The following ILRUN variants were observed in gnomAD, a reference collection of about 807,000 sequenced individuals.
ILRUN encodes protein ILRUN.
ILRUN carries 3 observed loss-of-function variants against 33.8 expected under a neutral mutation model. The observed-to-expected ratio is 0.09, with a 90% CI of 0.04 to 0.23. The LOEUF is 0.23. ILRUN is among the 10% of genes least tolerant of loss of function. The pLI, the probability that ILRUN is intolerant of heterozygous loss-of-function variation, is 1.00. For missense variants in ILRUN, 210 were observed against 375.1 expected, an observed-to-expected ratio of 0.56 and a Z score of 3.64; for synonymous variants, 124 against 138.9, an observed-to-expected ratio of 0.89 and a Z score of 0.75.
rs796157321 is a variant in ILRUN, at chr6:34,667,042, GA to G, written c.159-12264del. ...ATCATAAAGCCACTCGAATATACAT[GA>G]AAAAAAACTATCCAATCTGGTTTAC... On this transcript the variant is annotated intron_variant, in intron 1 of 4. Transcript: ENST00000374023. Among the ~76,000 whole-genome samples, 6 of 151,250 alleles carry G rather than the reference GA, an allele frequency of 4.0e-5. No individual in the cohort carries two copies. The South Asian group carries it at 1.0e-3, about 26-fold the overall frequency.
At chr6:34,681,807 A>C (rs1763362283) in intron 1 of ILRUN, among the ~76,000 whole-genome samples, 1 of 146,772 alleles carries the variant, frequency 6.8e-6, no homozygotes, top group Non-Finnish European at 1.5e-5. Context: ...ATCAGAAGGG[A>C]TTTTACTATA....
At chr6:34,643,955 G>A (rs1274591622) in intron 3 of ILRUN, among the ~76,000 whole-genome samples, 2 of 152,174 alleles carry the variant, frequency 1.3e-5, no homozygotes, top group East Asian at 3.8e-4. Flanking sequence ...GCCCACCTCG[G>A]CCTCCCAGAG....
chr6:34,622,146 T>C (rs1762025183), intron 3 of ILRUN, among the ~76,000 whole-genome samples: 1 of 152,046 alleles, frequency 6.6e-6, no homozygotes, highest in Non-Finnish European at 1.5e-5. Context: ...ATAAAACTCC[T>C]AGAAAAAAGC....
At chr6:34,635,426 G>T (rs1762340759) in intron 3 of ILRUN, among the ~76,000 whole-genome samples, 1 of 151,978 alleles carries the variant, frequency 6.6e-6, no homozygotes, top group African/African-American at 2.4e-5. Flanking sequence ...TACTTGAGAG[G>T]TTGAGGTGGG....
At chr6:34,666,964 G>C (rs970152037) in intron 1 of ILRUN, among the ~76,000 whole-genome samples, 1 of 151,978 alleles carries the variant, frequency 6.6e-6, no homozygotes, top group Admixed American at 6.6e-5. Flanking sequence ...TTCTTTACAT[G>C]ACACTGCGTA....
chr6:34,641,175 A>T (rs1381891125), intron 3 of ILRUN, among the ~76,000 whole-genome samples: 2 of 152,076 alleles, frequency 1.3e-5, no homozygotes, highest in Non-Finnish European at 2.9e-5. Context: ...CAGAAAGATG[A>T]GGTCCAGAGA....
intron 1 of ILRUN, among the ~76,000 whole-genome samples, chr6:34,665,791 CTT>C (rs747826972): frequency 7.2e-5 from 11 of 152,222 alleles, no homozygotes; most frequent in African/African-American, 1.7e-4. Flanking sequence ...ATTCCATCCT[CTT>C]GTTTCTGCAT....
At chr6:34,615,194 T>C (rs1761857855) in intron 3 of ILRUN, among the ~76,000 whole-genome samples, 1 of 152,202 alleles carries the variant, frequency 6.6e-6, no homozygotes, top group Non-Finnish European at 1.5e-5. Context: ...ACTGGGTATA[T>C]AAGAACTCTA....
At chr6:34,611,244 C>A (rs1761747045) in intron 3 of ILRUN, among the ~76,000 whole-genome samples, 1 of 151,876 alleles carries the variant, frequency 6.6e-6, no homozygotes, top group African/African-American at 2.4e-5. Context: ...ACTGCACTGG[C>A]CAAAAATGTC....
Position 34,691,593 on chromosome 6 carries a change from G to A in ILRUN, c.158+4853C>T, listed in dbSNP as rs1453225284. On this transcript the variant is annotated intron_variant, in intron 1 of 4. Coordinates refer to ENST00000374023, the MANE Select transcript of ILRUN (RefSeq NM_024294.4). ...GTGGATCATTTGAGGTCAGGGGTTC[G>A]AGACCAGCCTGGACAAACATGGTAA... 2.6e-5 allele frequency among the ~76,000 whole-genome samples: 4 copies of A among 152,218 alleles called. No homozygotes were observed. In the East Asian group the frequency reaches 5.8e-4, roughly 22 times the overall value.
Position 34,654,822 on chromosome 6 carries a change from G to A in ILRUN, c.159-43C>T, listed in dbSNP as rs1392636285. Reference sequence around the variant, plus strand: ...AGGCAACAGACTTCAGTACTGTCCAGATATTATCCTAATTGTTAAACAAAA... The same window carrying A: ...AGGCAACAGACTTCAGTACTGTCCAAATATTATCCTAATTGTTAAACAAAA... On this transcript the variant is annotated intron_variant, in intron 1 of 4. Transcript: ENST00000374023. 4.6e-6 allele frequency: 7 copies of A among 1,534,546 alleles called. No individual in the cohort carries two copies. In the African/African-American group the frequency reaches 8.4e-5, roughly 18 times the overall value.
intron 1 of ILRUN, among the ~76,000 whole-genome samples, chr6:34,655,313 A>T (rs1762746754): frequency 6.6e-6 from 1 of 152,190 alleles, no homozygotes; most frequent in African/African-American, 2.4e-5. Context: ...TAATATGTGC[A>T]CATAATACAG....
intron 2 of ILRUN, among the ~76,000 whole-genome samples, chr6:34,650,221 T>C (rs1474499251): frequency 6.6e-6 from 1 of 152,032 alleles, no homozygotes. Context: ...AGAGGGACAG[T>C]TTTAAATTTT....
intron 2 of ILRUN, among the ~76,000 whole-genome samples, chr6:34,652,456 A>G (rs760846390): frequency 6.6e-6 from 1 of 152,234 alleles, no homozygotes; most frequent in South Asian, 2.1e-4. Flanking sequence ...TCAATGACAC[A>G]CTGAACTTTC....
chr6:34,693,208 G>C (rs1763682236), intron 1 of ILRUN, among the ~76,000 whole-genome samples: 1 of 152,082 alleles, frequency 6.6e-6, no homozygotes, highest in Non-Finnish European at 1.5e-5. Context: ...GTTCACAAAT[G>C]ATTTTTCATT....
intron 1 of ILRUN, among the ~76,000 whole-genome samples, chr6:34,671,310 T>C (rs1198257715): frequency 6.6e-6 from 1 of 152,106 alleles, no homozygotes; most frequent in Non-Finnish European, 1.5e-5. Context: ...CAACTGAGTC[T>C]GGGAGGTTGA....
intron 3 of ILRUN, among the ~76,000 whole-genome samples, chr6:34,632,682 A>AT (rs10718642): frequency 2.0e-3 from 293 of 143,946 alleles, no homozygotes; most frequent in East Asian, 9.1e-3. Context: ...CACCCGGCTA[A>AT]TTTTTTTTTT....
chr6:34,589,548 T>C lies in ILRUN; in HGVS notation c.*1017A>G, dbSNP rs1477887407. ...GGTGTTGTGTGACAACAGAGAAGCA[T>C]GGGCCACCTTCAAGCTTGCCTACTG... On this transcript the variant is annotated 3_prime_UTR_variant, in exon 5 of 5. Coordinates refer to ENST00000374023, the MANE Select transcript of ILRUN (RefSeq NM_024294.4). 5 of 152,230 alleles carry C rather than the reference T, an allele frequency of 3.3e-5. No homozygotes were observed. Among genetic ancestry groups the C allele is most frequent in the African/African-American group, 1.2e-4 (5 of 41,444 alleles). 9.4% of individuals were successfully genotyped at this position (152,230 alleles called of 1,614,324 possible). A position where few individuals can be genotyped will look rare whatever the true frequency, so the allele number is the denominator to read the frequency against.
At chr6:34,690,473 AAAAT>A (rs565611709) in intron 1 of ILRUN, among the ~76,000 whole-genome samples, 149 of 152,098 alleles carry the variant, frequency 9.8e-4, no homozygotes, top group Non-Finnish European at 1.9e-3. Flanking sequence ...AAAAAAATTA[AAAAT>A]AAATAAATAA....
Sources: allele counts gnomAD v4.1 joint callset (sites outside exome capture counted in the v4.1 genomes callset), GRCh38; gene constraint gnomAD v4.1.1; transcripts MANE v1.5; gene names NCBI Gene and HGNC (gene_info 2026-07-23, HGNC 2026-07-21).